CYTH1: variants seen among roughly 807,000 people sequenced by gnomAD.
CYTH1 encodes cytohesin 1.
In CYTH1, 18 loss-of-function variants were observed where a neutral mutation model predicts 61.8. The ratio of observed to expected loss-of-function variants is 0.29; its 90% CI spans 0.20 to 0.43. CYTH1 has a LOEUF of 0.43. Ranked by LOEUF, CYTH1 falls within the 20% of genes least tolerant of loss-of-function variation. The pLI is 1.00. For missense variants in CYTH1, 336 were observed against 510.5 expected (o/e 0.66, Z 3.29); for synonymous variants, 174 against 184.3 (o/e 0.94, Z 0.45).
At chr17:78,772,805 G>C (rs2093476833) in intron 1 of CYTH1, among the ~76,000 whole-genome samples, 1 of 151,498 alleles carries the variant, frequency 6.6e-6, no homozygotes, top group Admixed American at 6.6e-5. Flanking sequence ...CAAAGTGTTG[G>C]GATTACAGGC....
intron 1 of CYTH1, among the ~76,000 whole-genome samples, chr17:78,760,777 A>C (rs1190511859): frequency 6.6e-6 from 1 of 151,838 alleles, no homozygotes; most frequent in Non-Finnish European, 1.5e-5. Flanking sequence ...GTATCAAGTA[A>C]GTCTGATGAC....
At chr17:78,747,608 C>T (rs1228838021) in intron 1 of CYTH1, among the ~76,000 whole-genome samples, 10 of 152,224 alleles carry the variant, frequency 6.6e-5, no homozygotes, top group Admixed American at 6.5e-4. Context: ...CCCTGACAAC[C>T]ACTAATCTAC....
At chr17:78,692,564 A>C (rs1390870829) in intron 10 of CYTH1, 71 bp from the exon 11 acceptor site, 18 of 1,431,390 alleles carry the variant, frequency 1.3e-5, no homozygotes, top group Non-Finnish European at 1.8e-5. Context: ...GACACACACG[A>C]CACCCTCTCT....
intron 1 of CYTH1, among the ~76,000 whole-genome samples, chr17:78,729,530 C>T (rs967244997): frequency 2.6e-5 from 4 of 152,148 alleles, no homozygotes; most frequent in Admixed American, 2.0e-4. Context: ...GGCAGTCTCC[C>T]GTGCTGCTGG....
chr17:78,750,931 T>A (rs970057431), intron 1 of CYTH1, among the ~76,000 whole-genome samples: 1 of 152,186 alleles, frequency 6.6e-6, no homozygotes, highest in Admixed American at 6.5e-5. Flanking sequence ...GAACAATACA[T>A]AACCTTGTTT....
intron 5 of CYTH1, 60 bp downstream of exon 5, chr17:78,702,062 T>C: frequency 7.3e-7 from 1 of 1,373,324 alleles, no homozygotes; most frequent in Non-Finnish European, 1.0e-6. Context: ...TGGGAGTTTG[T>C]TTCTTTGTGT....
intron 1 of CYTH1, among the ~76,000 whole-genome samples, chr17:78,735,996 C>T (rs1041620994): frequency 6.6e-6 from 1 of 152,210 alleles, no homozygotes; most frequent in Admixed American, 6.5e-5. Context: ...CATAGCTCCA[C>T]TGTTTACAGT....
chr17:78,736,084 A>T (rs903139326), intron 1 of CYTH1, among the ~76,000 whole-genome samples: 1 of 152,230 alleles, frequency 6.6e-6, no homozygotes, highest in Non-Finnish European at 1.5e-5. Flanking sequence ...TAACAACCAA[A>T]GGGAGAAGAC....
intron 1 of CYTH1, chr17:78,727,640 C>G (rs1324156968): frequency 8.5e-6 from 4 of 470,346 alleles, no homozygotes; most frequent in Admixed American, 4.7e-5. Flanking sequence ...AGGATACTGG[C>G]CCCCTGCCTC....
intron 1 of CYTH1, among the ~76,000 whole-genome samples, chr17:78,773,684 C>G (rs539826904): frequency 4.2e-4 from 64 of 151,378 alleles, no homozygotes; most frequent in African/African-American, 1.5e-3. Context: ...ATTTAATTCA[C>G]AATTTCTTCT....
chr17:78,740,330 C>A (rs1433075698), intron 1 of CYTH1, among the ~76,000 whole-genome samples: 1 of 152,240 alleles, frequency 6.6e-6, no homozygotes, highest in Non-Finnish European at 1.5e-5. Context: ...CTTCCACCCA[C>A]CCATGGCCTC....
At chr17:78,771,357 C>A (rs1424025062) in intron 1 of CYTH1, among the ~76,000 whole-genome samples, 1 of 152,100 alleles carries the variant, frequency 6.6e-6, no homozygotes, top group African/African-American at 2.4e-5. Flanking sequence ...TGAGAAATGC[C>A]TGAACCCAGG....
rs544432261 is a variant in CYTH1, at chr17:78,703,406, G to A, written c.171-802C>T. On this transcript the variant is annotated intron_variant, in intron 3 of 13. Coordinates refer to ENST00000446868, the MANE Select transcript of CYTH1 (RefSeq NM_004762.6). ...AGCCCGGGTGACAGAGTGAGACTCC[G>A]TCTCCAAAAAAAAAAAAAAAAAAAA... Among the ~76,000 whole-genome samples the A allele has an allele frequency of 8.2e-4, 72 of 88,018 alleles. 1 individual carries two copies. The highest frequency in any genetic ancestry group is 1.4e-3 in the Non-Finnish European group (66 of 48,818). The allele number at this position is 88,018 out of a possible 152,430, so 57.7% of individuals were successfully genotyped here.
intron 1 of CYTH1, among the ~76,000 whole-genome samples, chr17:78,776,769 T>C (rs2093493016): frequency 6.6e-6 from 1 of 151,562 alleles, no homozygotes; most frequent in Non-Finnish European, 1.5e-5. Flanking sequence ...AGTATTTTCT[T>C]AAGTTAATGG....
intron 1 of CYTH1, among the ~76,000 whole-genome samples, chr17:78,758,974 G>A (rs1386971839): frequency 6.6e-6 from 1 of 151,992 alleles, no homozygotes; most frequent in East Asian, 1.9e-4. Context: ...GTTATGGCAT[G>A]TGCTTGTGGC....
At chr17:78,764,610 C>A (rs2093441128) in intron 1 of CYTH1, among the ~76,000 whole-genome samples, 1 of 151,962 alleles carries the variant, frequency 6.6e-6, no homozygotes, top group African/African-American at 2.4e-5. Flanking sequence ...ATATAAACCC[C>A]AAAATAATGG....
chr17:78,735,237 C>T (rs3936523), intron 1 of CYTH1, among the ~76,000 whole-genome samples: 81,799 of 151,916 alleles, frequency 0.54, 22,136 homozygotes, highest in East Asian at 0.6. Context: ...TAGGGTAGTT[C>T]ATGTTGACTT....
chr17:78,686,444 T>C (rs929411143), intron 11 of CYTH1, among the ~76,000 whole-genome samples: 2 of 152,136 alleles, frequency 1.3e-5, no homozygotes, highest in African/African-American at 4.8e-5. Flanking sequence ...CTGGTTCTCC[T>C]CCTGTGAATC....
intron 11 of CYTH1, among the ~76,000 whole-genome samples, chr17:78,685,052 A>T (rs1182212565): frequency 2.6e-5 from 4 of 152,010 alleles, no homozygotes; most frequent in Non-Finnish European, 5.9e-5. Context: ...TACAAAAATT[A>T]GCCGCATGTG....
Sources: gnomAD v4.1 joint callset for allele counts (sites outside exome capture counted in the v4.1 genomes callset) on GRCh38, gnomAD v4.1.1 for gene constraint, MANE v1.5 for transcripts, NCBI Gene and HGNC (gene_info 2026-07-23, HGNC 2026-07-21) for gene names.